The following C12orf42 variants were observed in gnomAD, a reference collection of about 807,000 sequenced individuals.
C12orf42 encodes uncharacterized protein C12orf42.
A neutral mutation model predicts 21.6 loss-of-function variants in C12orf42; 25 were observed. The observed-to-expected ratio is 1.16, with a 90% confidence interval of 0.84 to 1.62. C12orf42 has a LOEUF of 1.62. Ranked by LOEUF, C12orf42 falls within the 40% of genes most tolerant of loss-of-function variation. C12orf42 has a pLI of 0.00. For synonymous variants in C12orf42, 174 were observed against 175.0 expected (o/e 0.99, Z 0.05); for missense variants, 483 against 459.3 (o/e 1.05, Z -0.47).
Position 103,279,629 on chromosome 12 carries a change from G to A in C12orf42, n.338-2419C>T, listed in dbSNP as rs529598181. On this transcript the variant is annotated intron_variant and non_coding_transcript_variant, in intron 4 of 6. Coordinates refer to the C12orf42 transcript ENST00000546526. ...AGAGAAAAACCAGTGTCATGAGAGA[G>A]CAGGAAATGAGATGTCAACATAATG... Among the ~76,000 whole-genome samples, 9 of 152,286 alleles carry A rather than the reference G, an allele frequency of 5.9e-5. No individual in the cohort carries two copies. In the East Asian group the frequency reaches 1.7e-3, roughly 29 times the overall value.
intron 2 of C12orf42, among the ~76,000 whole-genome samples, chr12:103,473,116 C>T (rs1953756109): frequency 6.6e-6 from 1 of 152,166 alleles, no homozygotes; most frequent in Admixed American, 6.5e-5. Context: ...CATGCTTTTG[C>T]CTTTTAGAAC....
At chr12:103,474,218 A>T (rs933519248) in intron 2 of C12orf42, among the ~76,000 whole-genome samples, 1 of 152,190 alleles carries the variant, frequency 6.6e-6, no homozygotes, top group East Asian at 1.9e-4. Flanking sequence ...GACACAAAAA[A>T]GTAAAGGAGT....
chr12:103,055,703 TA>T, the C12orf42 span, among the ~76,000 whole-genome samples: 1 of 152,032 alleles, frequency 6.6e-6, no homozygotes, highest in Admixed American at 6.6e-5. Context: ...ATGTCCTATT[TA>T]ACACTATTTT....
intron 2 of C12orf42, among the ~76,000 whole-genome samples, chr12:103,415,383 A>G (rs1471830260): frequency 1.3e-5 from 2 of 152,184 alleles, no homozygotes; most frequent in African/African-American, 4.8e-5. Flanking sequence ...CAGAAAACTA[A>G]CAAAGAAACT....
chr12:103,056,078 C>T, the C12orf42 span, among the ~76,000 whole-genome samples: 1 of 152,050 alleles, frequency 6.6e-6, no homozygotes, highest in Admixed American at 6.6e-5. Context: ...TTGAGTTCTT[C>T]TATACACTTG....
intron 2 of C12orf42, among the ~76,000 whole-genome samples, chr12:103,476,105 G>C (rs1317080694): frequency 1.3e-5 from 2 of 152,198 alleles, no homozygotes; most frequent in African/African-American, 4.8e-5. Flanking sequence ...TATGGAAAGA[G>C]TAAGTGGCTA....
At chr12:103,273,795 A>C (rs2035602931) in intron 5 of C12orf42, 1 of 453,028 alleles carries the variant, frequency 2.2e-6, no homozygotes. Flanking sequence ...CTTTTACCTG[A>C]TGACTTCATG....
At chr12:103,545,261 C>G in the C12orf42 span, among the ~76,000 whole-genome samples, 6 of 152,206 alleles carry the variant, frequency 3.9e-5, no homozygotes, top group Non-Finnish European at 7.3e-5. Flanking sequence ...GATACCAACT[C>G]TAGCACGCAT....
At chr12:103,439,732 G>T (rs1951049054) in intron 2 of C12orf42, among the ~76,000 whole-genome samples, 1 of 152,020 alleles carries the variant, frequency 6.6e-6, no homozygotes, top group Non-Finnish European at 1.5e-5. Context: ...CAGTTAGAGT[G>T]GCAATCATTA....
intron 2 of C12orf42, among the ~76,000 whole-genome samples, chr12:103,458,282 C>A (rs1952449377): frequency 6.6e-6 from 1 of 152,056 alleles, no homozygotes; most frequent in South Asian, 2.1e-4. Context: ...AGAACTTACC[C>A]TCTCCACAGA....
intron 10 of C12orf42, among the ~76,000 whole-genome samples, chr12:103,243,456 C>G (rs2033852689): frequency 6.6e-6 from 1 of 151,868 alleles, no homozygotes; most frequent in African/African-American, 2.4e-5. Flanking sequence ...TTATCTGTAT[C>G]CTTATTGTAA....
chr12:103,118,363 A>C, the C12orf42 span, among the ~76,000 whole-genome samples: 1 of 152,220 alleles, frequency 6.6e-6, no homozygotes, highest in South Asian at 2.1e-4. Flanking sequence ...TGAGGGGAAC[A>C]TCAAGCCCTG....
intron 3 of C12orf42, among the ~76,000 whole-genome samples, chr12:103,389,828 C>T (rs1016605606): frequency 2.0e-5 from 3 of 152,148 alleles, no homozygotes; most frequent in East Asian, 1.9e-4. Context: ...GTTGTGTCAG[C>T]GACTCTCCCA....
At chr12:103,145,507 C>G in the C12orf42 span, among the ~76,000 whole-genome samples, 4 of 152,152 alleles carry the variant, frequency 2.6e-5, no homozygotes, top group Non-Finnish European at 5.9e-5. Context: ...GCAAATCACT[C>G]TCATACATTA....
At chr12:103,286,297 G>T (rs973135995) in intron 4 of C12orf42, among the ~76,000 whole-genome samples, 6 of 146,442 alleles carry the variant, frequency 4.1e-5, no homozygotes, top group African/African-American at 1.3e-4. Context: ...AATAAATAAA[G>T]TAAAAATAAA....
chr12:103,285,681 G>A (rs2036400520), intron 4 of C12orf42, among the ~76,000 whole-genome samples: 1 of 152,206 alleles, frequency 6.6e-6, no homozygotes, highest in Admixed American at 6.5e-5. Context: ...GAATAATATT[G>A]GATGTATAGT....
intron 2 of C12orf42, among the ~76,000 whole-genome samples, chr12:103,436,279 A>G (rs1448572063): frequency 2.6e-5 from 4 of 152,022 alleles, no homozygotes; most frequent in African/African-American, 9.7e-5. Flanking sequence ...AACAACCGGT[A>G]CCAGGCGCTG....
At chr12:103,177,122 GAA>G in the C12orf42 span, among the ~76,000 whole-genome samples, 498 of 149,796 alleles carry the variant, frequency 3.3e-3, 1 homozygote, top group African/African-American at 0.012. Flanking sequence ...AAGGCAAATG[GAA>G]AAAAAAAAAT....
the C12orf42 span, among the ~76,000 whole-genome samples, chr12:103,068,875 C>G: frequency 2.3e-5 from 3 of 128,798 alleles, no homozygotes; most frequent in South Asian, 7.4e-4. Flanking sequence ...ACTCCTCTCT[C>G]TATATATATA....
Sources: allele counts gnomAD v4.1 joint callset (sites outside exome capture counted in the v4.1 genomes callset), GRCh38; gene constraint gnomAD v4.1.1; transcripts MANE v1.5; gene names NCBI Gene and HGNC (gene_info 2026-07-23, HGNC 2026-07-21).